SENP6: variants seen among roughly 807,000 people sequenced by gnomAD.
The protein encoded by SENP6 is SUMO specific peptidase 6.
In SENP6, 41 loss-of-function variants were observed where a neutral mutation model predicts 134.5. The observed-to-expected ratio is 0.30, with a 90% confidence interval of 0.24 to 0.40. SENP6 has a LOEUF of 0.40. Among genes scored for constraint, SENP6 ranks in the 10% least tolerant of loss-of-function variants. The probability of loss-of-function intolerance (pLI) is 1.00; values close to 1 mark genes in which losing one functional copy is unlikely to be tolerated. For missense variants in SENP6, 1,248 were observed against 1,312.5 expected (o/e 0.95, Z 0.76); for synonymous variants, 395 against 429.8 (o/e 0.92, Z 1.00).
chr6:75,617,310 G>A (rs1767935170), intron 1 of SENP6, among the ~76,000 whole-genome samples: 1 of 79,842 alleles, frequency 1.3e-5, no homozygotes, highest in Admixed American at 2.2e-4. Flanking sequence ...TTTCGCTCTT[G>A]TTGCCCAGGC....
At position 75,634,984 on chromosome 6, in the gene SENP6, T is replaced by C. The variant is rs567856465; in HGVS notation, c.458+173T>C. The C allele has an allele frequency of 4.4e-6, 3 of 675,540 alleles. No homozygotes were observed. In the Admixed American group the frequency reaches 6.3e-5, roughly 14 times the overall value. The allele number at this position is 675,540 out of a possible 1,614,324, so 41.8% of individuals were successfully genotyped here. A position where few individuals can be genotyped will look rare whatever the true frequency, so the allele number is the denominator to read the frequency against. ...AAATTATACTATTTTATATCTGCTTTTGAGTAATCAGATTCTGTAAATAGA... is the reference window on the plus strand; with the variant it reads ...AAATTATACTATTTTATATCTGCTTCTGAGTAATCAGATTCTGTAAATAGA... On this transcript the variant is annotated intron_variant, in intron 5 of 23. Transcript: ENST00000447266.
At position 75,678,569 on chromosome 6, in the gene SENP6, ATTTCC is replaced by A; in HGVS notation, c.1849-10_1849-6del. 7.9e-7 allele frequency: 1 copy of A among 1,260,560 alleles called. No homozygotes were observed. Among genetic ancestry groups the A allele is most frequent in the Middle Eastern group, 1.9e-4 (1 of 5,272 alleles). 78.1% of individuals were successfully genotyped at this position (1,260,560 alleles called of 1,614,324 possible). On this transcript the variant is annotated splice_polypyrimidine_tract_variant and intron_variant, in intron 14 of 23. Transcript: ENST00000447266. ...TAATTGACTGTAAATTGCTAATTTA[ATTTCC>A]TTTACCAGGTATCATTTGAATCTAA...
intron 5 of SENP6, among the ~76,000 whole-genome samples, chr6:75,637,171 G>A (rs1038282494): frequency 6.6e-6 from 1 of 152,114 alleles, no homozygotes; most frequent in Admixed American, 6.6e-5. Flanking sequence ...CACTGCACCT[G>A]TCTCAAGTCT....
At chr6:75,688,943 G>A (rs1237592130) in intron 16 of SENP6, among the ~76,000 whole-genome samples, 1 of 152,190 alleles carries the variant, frequency 6.6e-6, no homozygotes, top group Non-Finnish European at 1.5e-5. Context: ...GTGCATGCCT[G>A]TAATCCCAGC....
chr6:75,621,206 T>C (rs767189487), intron 1 of SENP6, among the ~76,000 whole-genome samples: 5 of 152,224 alleles, frequency 3.3e-5, no homozygotes, highest in Non-Finnish European at 5.9e-5. Flanking sequence ...GGTACTTATT[T>C]CTAGAATCAG....
chr6:75,702,627 T>G lies in SENP6; in HGVS notation c.2289-18T>G, dbSNP rs774650695. The G allele has an allele frequency of 4.5e-5, 69 of 1,533,456 alleles. No homozygotes were observed. The highest frequency in any genetic ancestry group is 5.4e-5 in the Non-Finnish European group (62 of 1,142,626). 95.0% of individuals were successfully genotyped at this position (1,533,456 alleles called of 1,614,324 possible). A position where few individuals can be genotyped will look rare whatever the true frequency, so the allele number is the denominator to read the frequency against. On this transcript the variant is annotated intron_variant, in intron 18 of 23. Coordinates refer to ENST00000447266, the MANE Select transcript of SENP6 (RefSeq NM_015571.4). The stretch of plus-strand genomic sequence containing the variant: ...CTTTTCTAATAACATATTTAGTCAT[T>G]TCATTTGTTTTTTACAGTGCACACT...
chr6:75,675,467 C>T lies in SENP6; in HGVS notation c.1425C>T (p.Asp475=), dbSNP rs778183521. ...TAGATTTTATCAAGATACAGCTAGA[C>T]GGTAAGCTATTTTATGTCTTTTTAC... ...FCLDFIKIQL[D]EPDHDPVEII... is the part of the protein sequence containing the mutation. Residue 475 remains aspartate, a splice_region_variant and synonymous_variant, in exon 12 of 24, where the codon GAC becomes GAT. Transcript: ENST00000447266. 19 of 1,444,314 alleles carry T rather than the reference C, an allele frequency of 1.3e-5. No individual in the cohort carries two copies. The highest frequency in any genetic ancestry group is 4.3e-5 in the African/African-American group (3 of 69,598). 89.5% of individuals were successfully genotyped at this position (1,444,314 alleles called of 1,614,324 possible).
chr6:75,656,226 A>G (rs1031931018), intron 7 of SENP6, among the ~76,000 whole-genome samples: 1 of 152,160 alleles, frequency 6.6e-6, no homozygotes, highest in South Asian at 2.1e-4. Flanking sequence ...AAAAAAAAAA[A>G]AAAAAAGAAT....
In SENP6 at chr6:75,602,445, C is replaced by G; in HGVS notation, c.-80C>G. 1 of 1,507,858 alleles carries G rather than the reference C, an allele frequency of 6.6e-7. No individual in the cohort carries two copies. The highest frequency in any genetic ancestry group is 9.0e-7 in the Non-Finnish European group (1 of 1,111,768). The allele number at this position is 1,507,858 out of a possible 1,614,324, so 93.4% of individuals were successfully genotyped here. Reference sequence around the variant, plus strand: ...GCAACCCTGCGGCGTCTACCCTCCTCCGGCGCGGCCCCTCATCCCGGCGAG... The same window carrying G: ...GCAACCCTGCGGCGTCTACCCTCCTGCGGCGCGGCCCCTCATCCCGGCGAG... On this transcript the variant is annotated 5_prime_UTR_variant, in exon 1 of 24. Transcript: ENST00000447266.
intron 18 of SENP6, among the ~76,000 whole-genome samples, chr6:75,701,024 T>C (rs1288808813): frequency 6.6e-6 from 1 of 152,188 alleles, no homozygotes; most frequent in Non-Finnish European, 1.5e-5. Context: ...AGCCAGCCTA[T>C]GACAGCCATT....
chr6:75,660,192 A>G (rs915325763), intron 8 of SENP6, among the ~76,000 whole-genome samples: 1 of 152,196 alleles, frequency 6.6e-6, no homozygotes, highest in Admixed American at 6.5e-5. Flanking sequence ...TGATGTGTGT[A>G]GTTTTCAAGA....
chr6:75,618,479 GTTCATA>G (rs1768018982), intron 1 of SENP6, among the ~76,000 whole-genome samples: 1 of 152,090 alleles, frequency 6.6e-6, no homozygotes, highest in South Asian at 2.1e-4. Context: ...GTTACACCAG[GTTCATA>G]TTGGTGTTTT....
intron 8 of SENP6, among the ~76,000 whole-genome samples, chr6:75,661,089 G>T (rs1771739830): frequency 6.6e-6 from 1 of 152,190 alleles, no homozygotes; most frequent in Admixed American, 6.5e-5. Context: ...GGCCTTCTCA[G>T]TGGACAAAGC....
At position 75,666,892 on chromosome 6, in the gene SENP6, C is replaced by CA; in HGVS notation, c.1176dup (p.Glu393ArgfsTer30). ...GAACTACGAAGCATTCCAGAAGACT[C>CA]AGAGTTAAATACAGTTACATTGCCA... On this transcript the variant is annotated frameshift_variant, in exon 10 of 24. Coordinates refer to ENST00000447266, the MANE Select transcript of SENP6 (RefSeq NM_015571.4). LOFTEE classifies it high-confidence loss of function. 1 of 1,610,806 alleles carries CA rather than the reference C, an allele frequency of 6.2e-7. No individual in the cohort carries two copies. The highest frequency in any genetic ancestry group is 2.2e-5 in the East Asian group (1 of 44,848).
intron 19 of SENP6, 109 bp from the exon 20 acceptor site, chr6:75,709,418 G>A: frequency 1.6e-6 from 1 of 643,292 alleles, no homozygotes; most frequent in South Asian, 2.6e-5. Context: ...CAGATTTTGT[G>A]TTCTTGACTA....
At chr6:75,676,164 A>G (rs1773072048) in intron 13 of SENP6, 110 bp downstream of exon 13, 1 of 603,032 alleles carries the variant, frequency 1.7e-6, no homozygotes, top group Non-Finnish European at 2.6e-6. Flanking sequence ...GGTGTATATT[A>G]TCTACAATTG....
intron 7 of SENP6, among the ~76,000 whole-genome samples, chr6:75,656,290 C>G (rs182463310): frequency 6.6e-6 from 1 of 151,954 alleles, no homozygotes; most frequent in East Asian, 1.9e-4. Flanking sequence ...ATGTTCCTAC[C>G]GCAGGGTCTT....
At chr6:75,674,307 C>A (rs1157122336) in intron 11 of SENP6, among the ~76,000 whole-genome samples, 1 of 151,854 alleles carries the variant, frequency 6.6e-6, no homozygotes, top group African/African-American at 2.4e-5. Flanking sequence ...TAGGTACATG[C>A]CATCTATACC....
chr6:75,645,137 A>C (rs965600232), intron 6 of SENP6, among the ~76,000 whole-genome samples: 2 of 152,218 alleles, frequency 1.3e-5, no homozygotes, highest in Non-Finnish European at 2.9e-5. Context: ...AAACCCTAAG[A>C]AGCAAAAATG....
Sources: allele counts gnomAD v4.1 joint callset (sites outside exome capture counted in the v4.1 genomes callset), GRCh38; gene constraint gnomAD v4.1.1; transcripts MANE v1.5; gene names NCBI Gene and HGNC (gene_info 2026-07-23, HGNC 2026-07-21).